GABBR2: variants seen among roughly 807,000 people sequenced by gnomAD.
GABBR2 encodes gamma-aminobutyric acid type B receptor subunit 2, also known as G-protein coupled receptor 51.
In GABBR2, 23 loss-of-function variants were observed where a neutral mutation model predicts 105.6. That is an observed-to-expected ratio of 0.22 (90% confidence interval 0.16 to 0.31). The LOEUF (loss-of-function observed/expected upper bound fraction) is 0.31. Ranked by LOEUF, GABBR2 falls within the 10% of genes least tolerant of loss-of-function variation. GABBR2 has a pLI of 1.00. For synonymous variants in GABBR2, 478 were observed against 499.7 expected (o/e 0.96, Z 0.58); for missense variants, 734 against 1,245.5 (o/e 0.59, Z 6.18).
At chr9:98,300,154 G>A (rs1363892140) in intron 16 of GABBR2, among the ~76,000 whole-genome samples, 1 of 151,142 alleles carries the variant, frequency 6.6e-6, no homozygotes, top group African/African-American at 2.4e-5. Flanking sequence ...ATGAACTACT[G>A]TGCCTGGCCT....
chr9:98,450,811 C>A (rs904795031), intron 7 of GABBR2, among the ~76,000 whole-genome samples: 4 of 152,160 alleles, frequency 2.6e-5, no homozygotes, highest in Non-Finnish European at 5.9e-5. Flanking sequence ...ACATTTCAGG[C>A]AGTCTATCTA....
rs1177541444 is a variant in GABBR2, at chr9:98,388,573, C to T, written c.1529+281G>A. Among the ~76,000 whole-genome samples the T allele has an allele frequency of 6.6e-6, 1 of 151,874 alleles. No homozygotes were observed. Among genetic ancestry groups the T allele is most frequent in the African/African-American group, 2.4e-5 (1 of 41,244 alleles). ...GGACTCTTCGATTTTATTTAACTTC[C>T]TCAAACTTATTTGACTAAACTCCTG... On this transcript the variant is annotated intron_variant, in intron 10 of 18. Transcript: ENST00000259455. This position sits in a 1 kb window ranked among gnomAD's most constrained non-coding sequence, Gnocchi z 4.4.
At chr9:98,689,735 C>T (rs950786231) in intron 1 of GABBR2, among the ~76,000 whole-genome samples, 1 of 152,194 alleles carries the variant, frequency 6.6e-6, no homozygotes, top group Admixed American at 6.5e-5. Context: ...CTTCCTAACG[C>T]TATTATGTCA....
chr9:98,459,644 AAGCCAAGCAAAAG>A (rs1239485324), intron 6 of GABBR2, among the ~76,000 whole-genome samples: 121 of 152,250 alleles, frequency 7.9e-4, no homozygotes, highest in Non-Finnish European at 1.5e-4. Context: ...AGAGGCTGAG[AAGCCAAGCAAAAG>A]AGCCAAGAAA....
intron 13 of GABBR2, among the ~76,000 whole-genome samples, chr9:98,337,482 T>C (rs1444313929): frequency 6.6e-6 from 1 of 152,202 alleles, no homozygotes; most frequent in African/African-American, 2.4e-5. Context: ...ATGAAAAAAC[T>C]GATCGTATAA....
At chr9:98,293,980 A>C in intron 17 of GABBR2, 78 bp from the exon 18 acceptor site, 1 of 856,726 alleles carries the variant, frequency 1.2e-6, no homozygotes, top group Non-Finnish European at 2.0e-6. Context: ...TTTTTGTAGG[A>C]TGATGCCCCA....
At chr9:98,421,944 C>T (rs1353669952) in intron 7 of GABBR2, among the ~76,000 whole-genome samples, 1 of 152,150 alleles carries the variant, frequency 6.6e-6, no homozygotes, top group Admixed American at 6.5e-5. Context: ...ACTTCCAAAG[C>T]ACAAACCGTT....
chr9:98,625,210 C>T (rs191791985), intron 1 of GABBR2, among the ~76,000 whole-genome samples: 5 of 152,350 alleles, frequency 3.3e-5, no homozygotes, highest in Non-Finnish European at 7.3e-5. Context: ...CCCAAAGGCA[C>T]GCTTGTGCTC....
chr9:98,641,752 A>C (rs554399375), intron 1 of GABBR2, among the ~76,000 whole-genome samples: 1 of 152,138 alleles, frequency 6.6e-6, no homozygotes, highest in Admixed American at 6.5e-5. Flanking sequence ...GCTTCCCCCA[A>C]ACAAGACCGT....
intron 2 of GABBR2, among the ~76,000 whole-genome samples, chr9:98,568,664 C>T (rs1372660875): frequency 1.3e-5 from 2 of 152,176 alleles, no homozygotes; most frequent in African/African-American, 4.8e-5. Flanking sequence ...TCCCTCTGGC[C>T]TTTGCAGTGG....
intron 1 of GABBR2, among the ~76,000 whole-genome samples, chr9:98,649,552 G>A (rs976820029): frequency 3.9e-5 from 6 of 152,134 alleles, no homozygotes; most frequent in African/African-American, 9.7e-5. Flanking sequence ...TGACTGCAGC[G>A]GTGGGATACA....
At chr9:98,541,106 C>T (rs937910333) in intron 3 of GABBR2, among the ~76,000 whole-genome samples, 4 of 152,126 alleles carry the variant, frequency 2.6e-5, no homozygotes, top group African/African-American at 4.8e-5. Flanking sequence ...CGGTAAGTTA[C>T]GATATACCCA....
chr9:98,455,830 T>A (rs1022413128), intron 6 of GABBR2, among the ~76,000 whole-genome samples: 23 of 152,218 alleles, frequency 1.5e-4, no homozygotes, highest in African/African-American at 5.1e-4. Flanking sequence ...CCCCCGGCTG[T>A]GAACCTTGCA....
At chr9:98,637,883 C>T (rs1829902770) in intron 1 of GABBR2, among the ~76,000 whole-genome samples, 2 of 152,124 alleles carry the variant, frequency 1.3e-5, no homozygotes, top group Middle Eastern at 3.2e-3. Context: ...GTTACAGCAG[C>T]AAGAGAAATC....
intron 2 of GABBR2, among the ~76,000 whole-genome samples, chr9:98,544,641 TGCAA>T (rs886604462): frequency 6.6e-6 from 1 of 152,138 alleles, no homozygotes; most frequent in Non-Finnish European, 1.5e-5. Context: ...TCTGGAGGTG[TGCAA>T]GCAAAGACTG....
chr9:98,436,306 C>T lies in GABBR2; in HGVS notation c.1236+17675G>A, dbSNP rs1825905746. On this transcript the variant is annotated intron_variant, in intron 7 of 18. Transcript: ENST00000259455. ...ATATATATATATATATATATATACC[C>T]ATAAATATACCATATATATATATAT... 2.2e-4 allele frequency among the ~76,000 whole-genome samples: 16 copies of T among 72,916 alleles called. 2 individuals carry two copies. Among genetic ancestry groups the T allele is most frequent in the South Asian group, 1.0e-3 (2 of 1,940 alleles). The allele number at this position is 72,916 out of a possible 152,430, so 47.8% of individuals were successfully genotyped here. A position where few individuals can be genotyped will look rare whatever the true frequency, so the allele number is the denominator to read the frequency against.
At chr9:98,395,501 G>C (rs1028963133) in intron 8 of GABBR2, among the ~76,000 whole-genome samples, 1 of 152,108 alleles carries the variant, frequency 6.6e-6, no homozygotes, top group Non-Finnish European at 1.5e-5. Context: ...AGTGAGCCAA[G>C]TGAAAAGAGG....
At position 98,413,712 on chromosome 9, in the gene GABBR2, C is replaced by A. The variant is rs138740232; in HGVS notation, c.1237-7571G>T. On this transcript the variant is annotated intron_variant, in intron 7 of 18. Transcript: ENST00000259455. ...ATCTTTCTGAGGGACCATAACCAGACGGCTCAGAGGGTGCAAGTAGTGACC... is the reference window on the plus strand; with the variant it reads ...ATCTTTCTGAGGGACCATAACCAGAAGGCTCAGAGGGTGCAAGTAGTGACC... 4.6e-5 allele frequency among the ~76,000 whole-genome samples: 7 copies of A among 152,102 alleles called. No individual in the cohort carries two copies. In the East Asian group the frequency reaches 1.3e-3, roughly 29 times the overall value.
intron 9 of GABBR2, among the ~76,000 whole-genome samples, chr9:98,389,521 A>G (rs1832140902): frequency 6.6e-6 from 1 of 152,176 alleles, no homozygotes; most frequent in Non-Finnish European, 1.5e-5. Context: ...CTTCAATGTC[A>G]TTGTGTTTTA....
Sources: allele counts gnomAD v4.1 joint callset (sites outside exome capture counted in the v4.1 genomes callset), GRCh38; gene constraint gnomAD v4.1.1; non-coding constraint Gnocchi (gnomAD v3.1); transcripts MANE v1.5; gene names NCBI Gene and HGNC (gene_info 2026-07-23, HGNC 2026-07-21).